ZNF469: variants seen among roughly 807,000 people sequenced by gnomAD.
ZNF469 encodes the protein zinc finger protein 469.
Under a neutral mutation model 1.0 loss-of-function variants are expected in ZNF469, and 1 was observed. The ratio of observed to expected loss-of-function variants is 1.00; its 90% CI spans 0.35 to 4.73. The LOEUF is 4.73. Among genes scored for constraint, ZNF469 ranks in the 30% most tolerant of loss-of-function variants. ZNF469 has a pLI of 0.16. For synonymous variants in ZNF469, 2,703 were observed against 2,363.4 expected (o/e 1.14, Z -4.17); for missense variants, 6,100 against 5,356.3 (o/e 1.14, Z -4.33).
chr16:88,381,755 C>T (rs1015749386), upstream of ZNF469, among the ~76,000 whole-genome samples: 10 of 152,268 alleles, frequency 6.6e-5, no homozygotes, highest in Admixed American at 1.3e-4. Context: ...GGCAGGAATG[C>T]CATGTGCTGC....
intron 1 of ZNF469, among the ~76,000 whole-genome samples, chr16:88,423,024 T>C (rs180796938): frequency 7.5e-6 from 1 of 133,296 alleles, no homozygotes; most frequent in African/African-American, 2.9e-5. Flanking sequence ...TGGGTGGGTA[T>C]CTGGATGGAT....
the ZNF469 span, among the ~76,000 whole-genome samples, chr16:88,329,817 T>C: frequency 0.43 from 65,943 of 152,120 alleles, 14,317 homozygotes; most frequent in South Asian, 0.48. Flanking sequence ...AAACCTTTCC[T>C]GGGATGCAGA....
the ZNF469 span, among the ~76,000 whole-genome samples, chr16:88,265,723 G>T: frequency 6.6e-6 from 1 of 152,250 alleles, no homozygotes; most frequent in Non-Finnish European, 1.5e-5. Context: ...GAGCAGACGG[G>T]AGTGGGTTGT....
chr16:88,402,050 G>A (rs1288306126), intron 1 of ZNF469, among the ~76,000 whole-genome samples: 3 of 150,900 alleles, frequency 2.0e-5, no homozygotes, highest in Admixed American at 6.6e-5. Flanking sequence ...ATGGGTGAGT[G>A]CATGGATGGA....
the ZNF469 span, among the ~76,000 whole-genome samples, chr16:88,189,823 G>A: frequency 1.3e-5 from 2 of 152,220 alleles, no homozygotes; most frequent in African/African-American, 2.4e-5. This position sits in a 1 kb window ranked among gnomAD's most constrained non-coding sequence, Gnocchi z 4.3. Flanking sequence ...GGAGGCTGAA[G>A]CAGGAGAATC....
chr16:88,292,043 C>T, the ZNF469 span, among the ~76,000 whole-genome samples: 18 of 152,166 alleles, frequency 1.2e-4, no homozygotes, highest in African/African-American at 3.9e-4. Context: ...GGTGTCAGGT[C>T]CCAGGAGTCT....
At chr16:88,376,127 C>T in the ZNF469 span, among the ~76,000 whole-genome samples, 25 of 152,382 alleles carry the variant, frequency 1.6e-4, 1 homozygote, top group Middle Eastern at 6.8e-3. Flanking sequence ...CTGTTCACGG[C>T]GCAGCCGGGC....
chr16:88,279,529 G>A, the ZNF469 span, among the ~76,000 whole-genome samples: 8 of 140,690 alleles, frequency 5.7e-5, no homozygotes, highest in Non-Finnish European at 9.1e-5. Context: ...ACTGACACTC[G>A]GTCAGTACCT....
At chr16:88,397,646 TATAAATAAG>T (rs1567500457) in intron 1 of ZNF469, among the ~76,000 whole-genome samples, 7 of 114,526 alleles carry the variant, frequency 6.1e-5, no homozygotes, top group African/African-American at 1.6e-4. Context: ...GATGGATGGA[TATAAATAAG>T]AGATAGATAG....
At chr16:88,242,246 T>C in the ZNF469 span, among the ~76,000 whole-genome samples, 1 of 152,344 alleles carries the variant, frequency 6.6e-6, no homozygotes, top group East Asian at 1.9e-4. Flanking sequence ...CGGCTTCTCA[T>C]CCGTCTCACC....
the ZNF469 span, among the ~76,000 whole-genome samples, chr16:88,344,550 G>A: frequency 2.0e-5 from 3 of 152,248 alleles, no homozygotes; most frequent in African/African-American, 7.2e-5. Context: ...TGGCAGGGAT[G>A]GGGTCAGTGT....
chr16:88,394,175 G>A (rs879792573), intron 1 of ZNF469, among the ~76,000 whole-genome samples: 19,494 of 145,124 alleles, frequency 0.13, 6,602 homozygotes, highest in Non-Finnish European at 0.17. Flanking sequence ...GGTTTGACAG[G>A]TCTACACCTG....
rs1354711009 is a variant in ZNF469 at position 88,430,338 on chromosome 16, G to A, written c.2868G>A (p.Lys956=). 3 of 1,512,988 alleles carry A rather than the reference G, an allele frequency of 2.0e-6. No homozygotes were observed. Among genetic ancestry groups the A allele is most frequent in the Middle Eastern group, 1.7e-4 (1 of 5,892 alleles). 93.7% of individuals were successfully genotyped at this position (1,512,988 alleles called of 1,614,324 possible). A position where few individuals can be genotyped will look rare whatever the true frequency, so the allele number is the denominator to read the frequency against. The change falls in exon 3 of 3, where the codon AAG becomes AAA. Residue 956 remains lysine, a synonymous_variant. Coordinates refer to ENST00000565624, the MANE Select transcript of ZNF469 (RefSeq NM_001367624.2). ...RRGKQLKLFR[K]DLDSGGAAEG... ...GGAAGCAGTTGAAGCTGTTCCGGAA[G>A]GATCTGGACTCGGGCGGCGCAGCAG...
At chr16:88,235,097 C>T in the ZNF469 span, among the ~76,000 whole-genome samples, 93 of 152,214 alleles carry the variant, frequency 6.1e-4, no homozygotes, top group African/African-American at 2.1e-3. Flanking sequence ...TGGGAAGGCC[C>T]GGCGCTGGGG....
At chr16:88,355,172 A>G in the ZNF469 span, among the ~76,000 whole-genome samples, 1 of 152,008 alleles carries the variant, frequency 6.6e-6, no homozygotes, top group Admixed American at 6.6e-5. Context: ...CGGCCTCTCA[A>G]CTCTACAACG....
chr16:88,378,294 T>G (rs573211191), upstream of ZNF469, among the ~76,000 whole-genome samples: 1 of 152,176 alleles, frequency 6.6e-6, no homozygotes, highest in African/African-American at 2.4e-5. Context: ...CTCTGCAGCA[T>G]CCAGACCCAA....
chr16:88,399,418 C>T (rs1345298957), intron 1 of ZNF469, among the ~76,000 whole-genome samples: 1 of 152,158 alleles, frequency 6.6e-6, no homozygotes, highest in East Asian at 1.9e-4. Context: ...TACAAGATGA[C>T]AGTGTTGGAA....
At chr16:88,265,413 T>C in the ZNF469 span, among the ~76,000 whole-genome samples, 2 of 152,122 alleles carry the variant, frequency 1.3e-5, no homozygotes, top group African/African-American at 4.8e-5. Context: ...AGAAAATCAC[T>C]TGGGGCTTCC....
At chr16:88,363,481 G>C in the ZNF469 span, among the ~76,000 whole-genome samples, 14 of 152,228 alleles carry the variant, frequency 9.2e-5, no homozygotes, top group Admixed American at 5.9e-4. Context: ...GCCCCAGCCA[G>C]ACTGCCTGGG....
Sources: gnomAD v4.1 joint callset for allele counts (sites outside exome capture counted in the v4.1 genomes callset) on GRCh38, gnomAD v4.1.1 for gene constraint, Gnocchi (gnomAD v3.1) non-coding constraint, MANE v1.5 for transcripts, NCBI Gene and HGNC (gene_info 2026-07-23, HGNC 2026-07-21) for gene names.